DAXX: variants seen among roughly 807,000 people sequenced by gnomAD.
The protein encoded by DAXX is death domain-associated protein 6.
DAXX carries 24 observed loss-of-function variants against 61.9 expected under a neutral mutation model. The ratio of observed to expected loss-of-function variants is 0.39; its 90% CI spans 0.28 to 0.55. The LOEUF (loss-of-function observed/expected upper bound fraction) is 0.55. DAXX is among the 20% of genes least tolerant of loss of function. DAXX has a pLI of 0.69. For synonymous variants in DAXX, 357 were observed against 369.5 expected (o/e 0.97, Z 0.39); for missense variants, 819 against 935.3 (o/e 0.88, Z 1.62).
Position 33,321,700 on chromosome 6 carries a change from C to G in DAXX, c.207+19G>C. The stretch of plus-strand genomic sequence containing the variant: ...ATCCCCCTCCCTGGGGTACAACAAT[C>G]TTCCCCGCTAAAGCTCACCTCTTCG... On this transcript the variant is annotated intron_variant, in intron 2 of 7. Transcript: ENST00000374542. The surrounding 1 kb of genome is among the most constrained non-coding windows in gnomAD (Gnocchi z 7.2). The G allele has an allele frequency of 1.2e-6, 2 of 1,611,838 alleles. No individual in the cohort carries two copies. The highest frequency in any genetic ancestry group is 1.7e-6 in the Non-Finnish European group (2 of 1,179,126).
At position 33,321,418 on chromosome 6, in the gene DAXX, C is replaced by T. The variant is rs2150997562; in HGVS notation, c.357G>A (p.Arg119=). 1 of 1,613,916 alleles carries T rather than the reference C, an allele frequency of 6.2e-7. No homozygotes were observed. The highest frequency in any genetic ancestry group is 8.5e-7 in the Non-Finnish European group (1 of 1,179,834). Residue 119 remains arginine (R), a synonymous_variant, in exon 3 of 8, where the codon CGG becomes CGA. Coordinates refer to ENST00000374542, the MANE Select transcript of DAXX (RefSeq NM_001141969.2). This position sits in a 1 kb window ranked among gnomAD's most constrained non-coding sequence, Gnocchi z 7.2. ...LSRVLSRARS[R]PAKLYVYINE... is the part of the protein sequence containing the mutation. Reference sequence around the variant, plus strand: ...TGATGTAGACATAGAGCTTGGCTGGCCGGCTCCGGGCCCGAGACAGGACCC... The same window carrying T: ...TGATGTAGACATAGAGCTTGGCTGGTCGGCTCCGGGCCCGAGACAGGACCC...
Position 33,320,444 on chromosome 6 carries a change from G to A in DAXX, c.1187C>T (p.Ala396Val), listed in dbSNP as rs775892833. The A allele has an allele frequency of 2.0e-5, 32 of 1,613,664 alleles. No individual in the cohort carries two copies. Among genetic ancestry groups the A allele is most frequent in the Non-Finnish European group, 2.5e-5 (30 of 1,179,710 alleles). ...GTGGGAAGAGGTGCCTTGGAGCCGA[G>A]CTCTTCTCTTTTTTCTCTCGCCCTC... ...SEEGERKKRR[A>V]RLQGTSSHSA... Residue 396 changes from alanine to valine, a missense_variant, in exon 4 of 8, where the codon GCT becomes GTT. Ala to Val is a moderately conservative substitution (Grantham distance 64). Coordinates refer to ENST00000374542, the MANE Select transcript of DAXX (RefSeq NM_001141969.2). This position sits in a 1 kb window ranked among gnomAD's most constrained non-coding sequence, Gnocchi z 7.1.
Position 33,321,217 on chromosome 6 carries a change from C to G in DAXX, c.558G>C (p.Arg186=). The stretch of plus-strand genomic sequence containing the variant: ...GCAGCTGCTCCAAACGCTGGATCTG[C>G]CGCCGGGAACCACGGGTCCTTGGAG... The part of the protein sequence containing the change: ...SQSPRTRGSR[R]QIQRLEQLLA... Residue 186 remains arginine (R), a synonymous_variant, in exon 3 of 8, where the codon CGG becomes CGC. Coordinates refer to ENST00000374542, the MANE Select transcript of DAXX (RefSeq NM_001141969.2). This position sits in a 1 kb window ranked among gnomAD's most constrained non-coding sequence, Gnocchi z 7.2. 1 of 1,612,622 alleles carries G rather than the reference C, an allele frequency of 6.2e-7. No homozygotes were observed. Among genetic ancestry groups the G allele is most frequent in the Middle Eastern group, 1.7e-4 (1 of 6,038 alleles).
rs1770199258 is a variant in DAXX at position 33,319,151 on chromosome 6, G to A, written c.2009C>T (p.Pro670Leu). ...GKKICTLPSP[P>L]SPLASLAPVA... The stretch of plus-strand genomic sequence containing the variant: ...TGGGGCCAAGGAAGCCAAGGGGGAA[G>A]GTGGGCTGGGCAGGGTACATATCTT... The change falls in exon 7 of 8, where the codon CCT becomes CTT. Residue 670 changes from proline (P) to leucine (L), a missense_variant. By Grantham distance (98) the Pro-to-Leu change is moderately conservative (BLOSUM62 -3). Coordinates refer to ENST00000374542, the MANE Select transcript of DAXX (RefSeq NM_001141969.2). 2.5e-6 allele frequency: 4 copies of A among 1,614,038 alleles called. No homozygotes were observed. The highest frequency in any genetic ancestry group is 2.2e-5 in the East Asian group (1 of 44,892).
At position 33,320,132 on chromosome 6, in the gene DAXX, CTCCTCT is replaced by C. The variant is rs772433267; in HGVS notation, c.1338_1343del (p.Glu456_Glu457del). On this transcript the variant is annotated inframe_deletion, in exon 5 of 8. Transcript: ENST00000374542. The surrounding 1 kb of genome is among the most constrained non-coding windows in gnomAD (Gnocchi z 7.1). ...CCTCCTCTTCTTCTTCCTCCTCCTC[CTCCTCT>C]TCCTCATCACTCTCCTCATCGTCTT... 4.0e-5 allele frequency: 64 copies of C among 1,613,940 alleles called. No individual in the cohort carries two copies. Among genetic ancestry groups the C allele is most frequent in the African/African-American group, 9.3e-5 (7 of 74,990 alleles).
chr6:33,319,942 G>A, intron 5 of DAXX, 69 bp downstream of exon 5: 3 of 1,606,982 alleles, frequency 1.9e-6, no homozygotes, highest in Non-Finnish European at 1.7e-6. Flanking sequence ...GAAGGGAAAG[G>A]TTTCAAACAG....
rs1345832218 is a variant in DAXX at position 33,320,307 on chromosome 6, G to A, written c.1251+73C>T. The A allele has an allele frequency of 7.0e-7, 1 of 1,436,166 alleles. No individual in the cohort carries two copies. Among genetic ancestry groups the A allele is most frequent in the South Asian group, 1.1e-5 (1 of 87,484 alleles). 89.0% of individuals were successfully genotyped at this position (1,436,166 alleles called of 1,614,324 possible). ...CTTTCCTTCTCATGCTCCCCCATCA[G>A]TCAACCTGGACTCCCTGGTGGCCAG... On this transcript the variant is annotated intron_variant, in intron 4 of 7. Coordinates refer to ENST00000374542, the MANE Select transcript of DAXX (RefSeq NM_001141969.2). The surrounding 1 kb of genome is among the most constrained non-coding windows in gnomAD (Gnocchi z 7.1).
In DAXX at chr6:33,320,028, T is replaced by C. The variant is rs771514387; in HGVS notation, c.1448A>G (p.Glu483Gly). 6.2e-7 allele frequency: 1 copy of C among 1,613,804 alleles called. No individual in the cohort carries two copies. Among genetic ancestry groups the C allele is most frequent in the Non-Finnish European group, 8.5e-7 (1 of 1,179,836 alleles). ...GQEDDEEEDE[E>G]EEAAAGKDGD... ...TGACATACCTGCTGCTGCTTCTTCC[T>C]CTTCGTCCTCCTCTTCATCATCCTC... Residue 483 changes from glutamate to glycine, a missense_variant, in exon 5 of 8, where the codon GAG (glutamate) becomes GGG (glycine). Transcript: ENST00000374542. The surrounding 1 kb of genome is among the most constrained non-coding windows in gnomAD (Gnocchi z 7.1).
In DAXX at chr6:33,320,159, G is replaced by A. The variant is rs148860789; in HGVS notation, c.1317C>T (p.Asp439=). The change falls in exon 5 of 8, where the codon GAC becomes GAT. Residue 439 remains aspartate (D), a synonymous_variant. Transcript: ENST00000374542. The surrounding 1 kb of genome is among the most constrained non-coding windows in gnomAD (Gnocchi z 7.1). The part of the protein sequence containing the change: ...SASRAETDDE[D]DEESDEEEEE... Reference sequence around the variant, plus strand: ...CCTCTTCCTCATCACTCTCCTCATCGTCTTCGTCATCTGTCTCAGCTCTGG... The same window carrying A: ...CCTCTTCCTCATCACTCTCCTCATCATCTTCGTCATCTGTCTCAGCTCTGG... 4.9e-4 allele frequency: 787 copies of A among 1,613,024 alleles called. 5 individuals carry two copies. In the African/African-American group the frequency reaches 6.7e-3, roughly 14 times the overall value.
In DAXX at chr6:33,319,743, C is replaced by T. The variant is rs141395832; in HGVS notation, c.1577G>A (p.Arg526His). 235 of 1,614,210 alleles carry T rather than the reference C, an allele frequency of 1.5e-4. No homozygotes were observed. In the African/African-American group the frequency reaches 2.5e-3, roughly 17 times the overall value. Residue 526 changes from arginine to histidine, a missense_variant, in exon 6 of 8, where the codon CGC becomes CAC. Coordinates refer to ENST00000374542, the MANE Select transcript of DAXX (RefSeq NM_001141969.2). ...RSSGEQQNKG[R>H]IVSPSLLSEE... ...TGACAGTAACGATGGTGACACTATG[C>T]GTCCTTTGTTTTGCTGCTCCCCTGA...
rs755994636 is a variant in DAXX, at chr6:33,319,631, C to G, written c.1689G>C (p.Val563=). ...EELTLEEESP[V]SQLFELEIEA... ...CAATCTCTAGCTCAAAGAGCTGAGA[C>G]ACAGGGCTTTCTTCCTCCAGGGTCA... Residue 563 remains valine, a synonymous_variant, in exon 6 of 8, where the codon GTG becomes GTC. Coordinates refer to ENST00000374542, the MANE Select transcript of DAXX (RefSeq NM_001141969.2). 1.9e-6 allele frequency: 3 copies of G among 1,613,738 alleles called. No homozygotes were observed. In the South Asian group the frequency reaches 3.3e-5, roughly 18 times the overall value.
intron 1 of DAXX, 38 bp downstream of exon 1, chr6:33,322,824 C>CCCCCCCCCCCCT: frequency 9.5e-7 from 1 of 1,053,602 alleles, no homozygotes; most frequent in Admixed American, 1.9e-5. Flanking sequence ...TCTATATCCC[C>CCCCCCCCCCCCT]GCCCCCGCCT....
In DAXX at chr6:33,319,399, A is replaced by T. The variant is rs1322745384; in HGVS notation, c.1921T>A (p.Ser641Thr). ...TATTACCTGTTTCCTAATGGCCCTG[A>T]TCCTGTTTGCTTCTTCTCCTTCCGA... ...KSRKEKKQTGSGPLGNSYVER... is the reference protein window; with the variant it reads ...KSRKEKKQTGTGPLGNSYVER... Residue 641 changes from serine to threonine, a missense_variant, in exon 6 of 8, where the codon TCA (serine) becomes ACA (threonine). Coordinates refer to ENST00000374542, the MANE Select transcript of DAXX (RefSeq NM_001141969.2). The T allele has an allele frequency of 6.2e-7, 1 of 1,612,372 alleles. No individual in the cohort carries two copies.
In DAXX at chr6:33,319,031, G is replaced by C. The variant is rs755784520; in HGVS notation, c.2129C>G (p.Pro710Arg). The C allele has an allele frequency of 3.7e-6, 6 of 1,613,706 alleles. No individual in the cohort carries two copies. Among genetic ancestry groups the C allele is most frequent in the Non-Finnish European group, 5.1e-6 (6 of 1,180,006 alleles). Residue 710 changes from proline to arginine, a missense_variant, in exon 7 of 8, where the codon CCC (proline) becomes CGC (arginine). Coordinates refer to ENST00000374542, the MANE Select transcript of DAXX (RefSeq NM_001141969.2). ...IPSPARLSQT[P>R]HSQPPRPGTC... ...ACCAGGCCGAGGAGGCTGTGAATGG[G>C]GGGTTTGGGACAGCCGGGCTGGAGA...
At position 33,321,388 on chromosome 6, in the gene DAXX, C is replaced by T. The variant is rs111770721; in HGVS notation, c.387G>A (p.Glu129=). Residue 129 remains glutamate, a synonymous_variant, in exon 3 of 8, where the codon GAG becomes GAA. Coordinates refer to ENST00000374542, the MANE Select transcript of DAXX (RefSeq NM_001141969.2). The surrounding 1 kb of genome is among the most constrained non-coding windows in gnomAD (Gnocchi z 7.2). ...RPAKLYVYIN[E]LCTVLKAHSA... ...AGTGGGCCTTGAGAACAGTGCAGAG[C>T]TCATTGATGTAGACATAGAGCTTGG... The T allele has an allele frequency of 1.2e-6, 2 of 1,613,938 alleles. No individual in the cohort carries two copies. Among genetic ancestry groups the T allele is most frequent in the Non-Finnish European group, 1.7e-6 (2 of 1,179,862 alleles).
rs763646987 is a variant in DAXX, at chr6:33,319,576, C to A, written c.1744G>T (p.Val582Leu). Residue 582 changes from valine to leucine, a missense_variant, in exon 6 of 8, where the codon GTG becomes TTG. Transcript: ENST00000374542. ...CTGGAAGAGGAAATGTCCGTCTCCA[C>A]AGAGGAAGGGGTATCCAGGGGCAAA... is the stretch of plus-strand genomic sequence containing the variant. Reference protein sequence around the residue: ...EALPLDTPSSVETDISSSRKQ... With the variant: ...EALPLDTPSSLETDISSSRKQ... 1.9e-6 allele frequency: 3 copies of A among 1,614,192 alleles called. No homozygotes were observed. The South Asian group carries it at 3.3e-5, about 18-fold the overall frequency.
rs2150986076 is a variant in DAXX, at chr6:33,318,803, C to A, written c.2164-1G>T. 1 of 1,540,864 alleles carries A rather than the reference C, an allele frequency of 6.5e-7. No homozygotes were observed. The highest frequency in any genetic ancestry group is 8.9e-7 in the Non-Finnish European group (1 of 1,128,930). On this transcript the variant is annotated splice_acceptor_variant, in intron 7 of 7. Transcript: ENST00000374542. LOFTEE classifies it high-confidence loss of function. ...GATCGCATTGTGTGGCCACACTTGT[C>A]TGCAGGGAAGTGAGAGACAAAGAGT...
chr6:33,322,252 C>T (rs539635294), intron 1 of DAXX, among the ~76,000 whole-genome samples: 7 of 151,006 alleles, frequency 4.6e-5, no homozygotes, highest in Non-Finnish European at 1.0e-4. Context: ...CCCCCTATTT[C>T]TTAGAGTTGG....
chr6:33,322,525 G>A (rs1416090823), intron 1 of DAXX: 2 of 231,540 alleles, frequency 8.6e-6, no homozygotes, highest in Non-Finnish European at 1.8e-5. Context: ...CTCAAACTGG[G>A]GCTTTAGGTT....
Sources: gnomAD v4.1 joint callset for allele counts (sites outside exome capture counted in the v4.1 genomes callset) on GRCh38, gnomAD v4.1.1 for gene constraint, Gnocchi (gnomAD v3.1) non-coding constraint, MANE v1.5 for transcripts, NCBI Gene and HGNC (gene_info 2026-07-23, HGNC 2026-07-21) for gene names.